ALK: variants seen among roughly 807,000 people sequenced by gnomAD.
ALK encodes ALK tyrosine kinase receptor.
In ALK, 74 loss-of-function variants were observed where a neutral mutation model predicts 163.1. The ratio of observed to expected loss-of-function variants is 0.45; its 90% CI spans 0.38 to 0.55. The LOEUF is 0.55. Among genes scored for constraint, ALK ranks in the 20% least tolerant of loss-of-function variants. The pLI is 0.00. For synonymous variants in ALK, 960 were observed against 843.2 expected (o/e 1.14, Z -2.40); for missense variants, 2,063 against 2,105.3 (o/e 0.98, Z 0.39).
intron 3 of ALK, among the ~76,000 whole-genome samples, chr2:29,648,535 A>G (rs564467756): frequency 2.0e-5 from 3 of 152,220 alleles, no homozygotes; most frequent in African/African-American, 7.2e-5. Flanking sequence ...GTCTCTGGCA[A>G]TCATCATTCT....
At chr2:29,657,337 A>C (rs1432960647) in intron 3 of ALK, among the ~76,000 whole-genome samples, 5 of 152,154 alleles carry the variant, frequency 3.3e-5, no homozygotes, top group Non-Finnish European at 7.3e-5. Flanking sequence ...CAGTAGAAGC[A>C]TGACTCCGAA....
At chr2:29,351,117 G>T (rs1668100601) in intron 5 of ALK, among the ~76,000 whole-genome samples, 1 of 152,158 alleles carries the variant, frequency 6.6e-6, no homozygotes, top group African/African-American at 2.4e-5. Context: ...CATGGGACAC[G>T]TTTTCACCAC....
chr2:29,538,753 T>C (rs1373593132), intron 3 of ALK, among the ~76,000 whole-genome samples: 1 of 152,206 alleles, frequency 6.6e-6, no homozygotes, highest in Non-Finnish European at 1.5e-5. Flanking sequence ...GATTTCTAAC[T>C]TCTTTAGGTT....
chr2:29,344,245 A>C (rs1667883058), intron 5 of ALK, among the ~76,000 whole-genome samples: 1 of 152,190 alleles, frequency 6.6e-6, no homozygotes, highest in South Asian at 2.1e-4. Flanking sequence ...CTTAACTGCA[A>C]ATTCTTTAAA....
chr2:29,668,356 G>C (rs1291810602), intron 3 of ALK, among the ~76,000 whole-genome samples: 1 of 151,702 alleles, frequency 6.6e-6, no homozygotes, highest in Non-Finnish European at 1.5e-5. Context: ...TAGTCTACTT[G>C]AGGTCTTTTT....
intron 5 of ALK, among the ~76,000 whole-genome samples, chr2:29,338,420 T>C (rs994197885): frequency 2.0e-5 from 3 of 152,230 alleles, no homozygotes; most frequent in Non-Finnish European, 4.4e-5. Context: ...AGCTCTGCCA[T>C]GTCCCTTCAC....
rs180987454 is a variant in ALK at position 29,356,508 on chromosome 2, T to C, written c.1282+27224A>G. The stretch of plus-strand genomic sequence containing the variant: ...AAGAAACTGTTAGAAAATTAAGTAA[T>C]ATTCTCACTACAGTACAATGGAATG... On this transcript the variant is annotated intron_variant, in intron 5 of 28. Transcript: ENST00000389048. Among the ~76,000 whole-genome samples, 101 of 152,206 alleles carry C rather than the reference T, an allele frequency of 6.6e-4. No individual in the cohort carries two copies. The South Asian group carries it at 0.011, about 17-fold the overall frequency.
intron 1 of ALK, among the ~76,000 whole-genome samples, chr2:29,813,003 T>C (rs1157917375): frequency 1.3e-5 from 2 of 152,234 alleles, no homozygotes; most frequent in Non-Finnish European, 2.9e-5. Context: ...TGTACAGTCC[T>C]TCCAGGAAAC....
intron 3 of ALK, among the ~76,000 whole-genome samples, chr2:29,567,881 T>C (rs527565118): frequency 6.6e-6 from 1 of 152,348 alleles, no homozygotes; most frequent in African/African-American, 2.4e-5. Flanking sequence ...CTATTAGCGT[T>C]AAATACTAGG....
intron 8 of ALK, among the ~76,000 whole-genome samples, chr2:29,316,451 G>A (rs13413749): frequency 0.069 from 10,503 of 152,000 alleles, 406 homozygotes; most frequent in Non-Finnish European, 0.077. Flanking sequence ...CCAGTAAAAC[G>A]AAACACCTGT....
chr2:29,256,993 T>G (rs1664965062), intron 11 of ALK, among the ~76,000 whole-genome samples: 1 of 152,116 alleles, frequency 6.6e-6, no homozygotes, highest in East Asian at 1.9e-4. Context: ...AATCCCAGTT[T>G]TTGGAGAGAA....
intron 1 of ALK, among the ~76,000 whole-genome samples, chr2:29,771,488 T>C (rs1053225644): frequency 1.3e-5 from 2 of 152,156 alleles, no homozygotes; most frequent in Admixed American, 6.5e-5. Context: ...TGGAGTGATG[T>C]CTTCCAAAAT....
chr2:29,903,295 C>T (rs558894078), intron 1 of ALK, among the ~76,000 whole-genome samples: 1 of 152,346 alleles, frequency 6.6e-6, no homozygotes, highest in South Asian at 2.1e-4. Flanking sequence ...GCTGTATTCA[C>T]TGGGACATGG....
chr2:29,586,526 T>C (rs953607598), intron 3 of ALK, among the ~76,000 whole-genome samples: 2 of 152,214 alleles, frequency 1.3e-5, no homozygotes, highest in Non-Finnish European at 2.9e-5. Context: ...CTTGGTGTAT[T>C]TTGGGCTTCT....
rs567327269 is a variant in ALK, at chr2:29,918,301, T to A, written c.667+1692A>T. On this transcript the variant is annotated intron_variant, in intron 1 of 28. Coordinates refer to ENST00000389048, the MANE Select transcript of ALK (RefSeq NM_004304.5). The stretch of plus-strand genomic sequence containing the variant: ...GAAGCTCCACAGATGCTCAGAGGCA[T>A]GAAACTAGAAGATAATCTGCATTTC... Among the ~76,000 whole-genome samples, 5 of 152,322 alleles carry A rather than the reference T, an allele frequency of 3.3e-5. 1 individual carries two copies. The highest frequency in any genetic ancestry group is 3.3e-4 in the Admixed American group (5 of 15,302).
chr2:29,200,760 T>TATGTATATACATAC (rs1553389059), intron 26 of ALK, among the ~76,000 whole-genome samples: 3 of 104,970 alleles, frequency 2.9e-5, no homozygotes, highest in Non-Finnish European at 5.2e-5. Context: ...TACGTATATA[T>TATGTATATACATAC]GTATATATAT....
chr2:29,465,968 T>C (rs1671201099), intron 4 of ALK, among the ~76,000 whole-genome samples: 1 of 152,168 alleles, frequency 6.6e-6, no homozygotes, highest in South Asian at 2.1e-4. Flanking sequence ...AGATTGGAAA[T>C]ACAAGAATGT....
chr2:29,472,042 C>T lies in ALK; in HGVS notation c.1154+59873G>A, dbSNP rs146492622. 1.7e-3 allele frequency among the ~76,000 whole-genome samples: 254 copies of T among 152,308 alleles called. 1 individual carries two copies. Among genetic ancestry groups the T allele is most frequent in the Middle Eastern group, 3.4e-3 (1 of 294 alleles). On this transcript the variant is annotated intron_variant, in intron 4 of 28. Coordinates refer to ENST00000389048, the MANE Select transcript of ALK (RefSeq NM_004304.5). The stretch of plus-strand genomic sequence containing the variant: ...ACAGGCGTGAGCCACTGCACCCAGC[C>T]GATGTTGATGACTTTCAAGGCAAGA...
intron 1 of ALK, among the ~76,000 whole-genome samples, chr2:29,908,798 C>A (rs1386714257): frequency 1.3e-5 from 2 of 152,212 alleles, no homozygotes; most frequent in Admixed American, 1.3e-4. Flanking sequence ...CTACTATAAC[C>A]AGCTGCACCA....
Sources: gnomAD v4.1 joint callset for allele counts (sites outside exome capture counted in the v4.1 genomes callset) on GRCh38, gnomAD v4.1.1 for gene constraint, MANE v1.5 for transcripts, NCBI Gene and HGNC (gene_info 2026-07-23, HGNC 2026-07-21) for gene names.